AFF2: variants seen among roughly 807,000 people sequenced by gnomAD.
AFF2 encodes the protein AF4/FMR2 family member 2.
Under a neutral mutation model 76.9 loss-of-function variants are expected in AFF2, and 14 were observed. The observed-to-expected ratio is 0.18, with a 90% CI of 0.12 to 0.28. AFF2 has a LOEUF of 0.28. Ranked by LOEUF, AFF2 falls within the 10% of genes least tolerant of loss-of-function variation. The pLI is 1.00. For missense variants in AFF2, 868 were observed against 1,001.1 expected (o/e 0.87, Z 1.79); for synonymous variants, 398 against 366.7 (o/e 1.09, Z -0.98).
At chrX:148,575,819 A>G (rs782725357) in intron 1 of AFF2, among the ~76,000 whole-genome samples, 230 of 109,021 alleles carry the variant, frequency 2.1e-3, no homozygotes, top group Admixed American at 3.9e-3. Flanking sequence ...ATAATAAATT[A>G]TATAATAAAA....
At chrX:148,636,033 T>A (rs782717617) in intron 1 of AFF2, among the ~76,000 whole-genome samples, 157 of 109,613 alleles carry the variant, frequency 1.4e-3, no homozygotes, top group Non-Finnish European at 2.2e-3. Flanking sequence ...ATATATATAT[T>A]TTTTTCATTT....
intron 3 of AFF2, among the ~76,000 whole-genome samples, chrX:148,806,705 T>C (rs1368056734): frequency 1.8e-5 from 2 of 111,832 alleles, no homozygotes; most frequent in Non-Finnish European, 3.8e-5. Context: ...AATGCGATCC[T>C]ATTACCCTTG....
intron 1 of AFF2, among the ~76,000 whole-genome samples, chrX:148,580,717 T>A (rs1029373337): frequency 2.8e-4 from 24 of 85,987 alleles, no homozygotes; most frequent in African/African-American, 9.3e-4. Flanking sequence ...CATAACAGTT[T>A]TATATATATA....
At chrX:148,562,242 A>G (rs1372300590) in intron 1 of AFF2, among the ~76,000 whole-genome samples, 1 of 112,297 alleles carries the variant, frequency 8.9e-6, no homozygotes, top group Non-Finnish European at 1.9e-5. Context: ...TTGGCATCAC[A>G]CAGACACAGC....
intron 3 of AFF2, among the ~76,000 whole-genome samples, chrX:148,807,635 A>T (rs782508707): frequency 8.9e-6 from 1 of 112,390 alleles, no homozygotes; most frequent in African/African-American, 3.2e-5. Flanking sequence ...TTTGCGTGGG[A>T]AAAGGCGAAC....
chrX:148,852,581 C>T (rs2070744026), intron 7 of AFF2, among the ~76,000 whole-genome samples: 1 of 110,995 alleles, frequency 9.0e-6, no homozygotes, highest in Admixed American at 9.6e-5. Context: ...TTGTATATCA[C>T]ATGGTACAGA....
At chrX:148,709,495 G>T (rs994218846) in intron 3 of AFF2, among the ~76,000 whole-genome samples, 1 of 112,014 alleles carries the variant, frequency 8.9e-6, no homozygotes, top group Non-Finnish European at 1.9e-5. Flanking sequence ...AATTATAATC[G>T]TACCTATCTC....
intron 3 of AFF2, among the ~76,000 whole-genome samples, chrX:148,690,660 A>G (rs1407875455): frequency 8.9e-6 from 1 of 112,485 alleles, no homozygotes; most frequent in Non-Finnish European, 1.9e-5. Flanking sequence ...AGTGTTTAGC[A>G]GTTAAGAGCA....
chrX:148,513,842 G>A (rs1436607315), intron 1 of AFF2, among the ~76,000 whole-genome samples: 1 of 110,380 alleles, frequency 9.1e-6, no homozygotes, highest in African/African-American at 3.3e-5. Flanking sequence ...ATGGGGTGCT[G>A]GGCCTCGGTT....
chrX:148,790,734 A>C (rs1353548191), intron 3 of AFF2, among the ~76,000 whole-genome samples: 1 of 111,596 alleles, frequency 9.0e-6, no homozygotes, highest in Non-Finnish European at 1.9e-5. Flanking sequence ...TAGCTAATGC[A>C]TGCTGAGTTT....
At chrX:148,663,231 T>TGAAGTA (rs1340764579) in intron 3 of AFF2, among the ~76,000 whole-genome samples, 1 of 112,015 alleles carries the variant, frequency 8.9e-6, no homozygotes, top group Non-Finnish European at 1.9e-5. Context: ...TGCTGGAACC[T>TGAAGTA]GAAGTAGAAG....
In AFF2 at chrX:148,829,892, C is replaced by T. The variant is rs1016253337; in HGVS notation, c.1087-7755C>T. 4.5e-5 allele frequency among the ~76,000 whole-genome samples: 5 copies of T among 111,990 alleles called. No individual in the cohort carries two copies. In the East Asian group the frequency reaches 8.4e-4, roughly 19 times the overall value. The stretch of plus-strand genomic sequence containing the variant: ...TCCCCTGATAACTTTACCCATACAG[C>T]CAGTCCTAAACTCTTGGTCCACAAA... On this transcript the variant is annotated intron_variant, in intron 4 of 20. Transcript: ENST00000370460.
At position 149,000,286 on chromosome X, in the gene AFF2, C is replaced by T. The variant is rs1381618690; in HGVS notation, c.*8954C>T. On this transcript the variant is annotated 3_prime_UTR_variant, in exon 21 of 21. Transcript: ENST00000370460. Reference sequence around the variant, plus strand: ...TGTCACTGTTCTTAACAAGCATGCTCGTCTTGTCAGAATTTCAGTAAGTTC... The same window carrying T: ...TGTCACTGTTCTTAACAAGCATGCTTGTCTTGTCAGAATTTCAGTAAGTTC... 2 of 112,671 alleles carry T rather than the reference C, an allele frequency of 1.8e-5. No homozygotes were observed. The highest frequency in any genetic ancestry group is 3.2e-5 in the African/African-American group (1 of 31,017). The allele number at this position is 112,671 out of a possible 1,213,427, so 9.3% of individuals were successfully genotyped here.
chrX:148,581,027 G>GTATATA (rs1491337173), intron 1 of AFF2, among the ~76,000 whole-genome samples: 2 of 35,334 alleles, frequency 5.7e-5, no homozygotes, highest in African/African-American at 1.4e-4. Context: ...AAACATATGT[G>GTATATA]TATATATACA....
chrX:148,776,973 G>T (rs1016676425), intron 3 of AFF2, among the ~76,000 whole-genome samples: 3 of 111,761 alleles, frequency 2.7e-5, no homozygotes, highest in Non-Finnish European at 3.8e-5. Context: ...TTCTTCTAGG[G>T]TTTTTACGGT....
At chrX:148,810,193 C>T (rs1316849523) in intron 4 of AFF2, among the ~76,000 whole-genome samples, 2 of 112,005 alleles carry the variant, frequency 1.8e-5, no homozygotes, top group Non-Finnish European at 3.8e-5. Flanking sequence ...CTTTAGGAAA[C>T]GTTCCCTGTT....
At chrX:148,879,732 C>T (rs1470464445) in intron 7 of AFF2, among the ~76,000 whole-genome samples, 1 of 105,578 alleles carries the variant, frequency 9.5e-6, no homozygotes, top group Non-Finnish European at 1.9e-5. Context: ...TTTTATGTGT[C>T]GTGAAATATT....
intron 3 of AFF2, among the ~76,000 whole-genome samples, chrX:148,802,022 T>C (rs2070065928): frequency 8.9e-6 from 1 of 112,218 alleles, no homozygotes; most frequent in African/African-American, 3.2e-5. Context: ...GAAGCACTTT[T>C]TCTTCTAGGC....
chrX:148,596,637 G>A (rs2053574796), intron 1 of AFF2, among the ~76,000 whole-genome samples: 1 of 112,280 alleles, frequency 8.9e-6, no homozygotes, highest in African/African-American at 3.2e-5. Context: ...GCCAAATAGT[G>A]ATATGCTGAA....
Sources: allele counts gnomAD v4.1 joint callset (sites outside exome capture counted in the v4.1 genomes callset), GRCh38; gene constraint gnomAD v4.1.1; transcripts MANE v1.5; gene names NCBI Gene and HGNC (gene_info 2026-07-23, HGNC 2026-07-21).